Variants in XRCC2 observed in about 807,000 individuals in gnomAD.
The protein encoded by XRCC2 is DNA repair protein XRCC2.
A neutral mutation model predicts 27.3 loss-of-function variants in XRCC2; 24 were observed. The ratio of observed to expected loss-of-function variants is 0.88; its 90% confidence interval spans 0.64 to 1.24. The LOEUF (loss-of-function observed/expected upper bound fraction) is 1.24, where lower values mean the gene tolerates loss of function less well. Among genes scored for constraint, XRCC2 ranks in the 50% most tolerant of loss-of-function variants. The pLI, the probability that XRCC2 is intolerant of heterozygous loss-of-function variation, is 0.00. For missense variants in XRCC2, 321 were observed against 325.8 expected (o/e 0.99, Z 0.11); for synonymous variants, 106 against 115.4 (o/e 0.92, Z 0.52).
intron 2 of XRCC2, 41 bp downstream of exon 2, chr7:152,660,660 T>C: frequency 6.5e-7 from 1 of 1,544,950 alleles, no homozygotes; most frequent in Non-Finnish European, 8.8e-7. Context: ...AATCCTTTTA[T>C]AAAGATTTGC....
chr7:152,667,566 G>A (rs536582081), intron 1 of XRCC2, among the ~76,000 whole-genome samples: 2 of 151,866 alleles, frequency 1.3e-5, no homozygotes, highest in Non-Finnish European at 2.9e-5. Flanking sequence ...TTTCAAAGGA[G>A]AAAAACTGTC....
At chr7:152,658,541 T>C (rs1309627221) in intron 2 of XRCC2, among the ~76,000 whole-genome samples, 1 of 152,216 alleles carries the variant, frequency 6.6e-6, no homozygotes, top group Admixed American at 6.5e-5. Context: ...CCACAACTTT[T>C]CCATCTTGCA....
Position 152,648,509 on chromosome 7 carries a change from CCAGGAGTTCAAGGCTG to C in XRCC2, c.*117_*132del. ...GCACACATAGGAGGATCCCTTGAGG[CCAGGAGTTCAAGGCTG>C]CAGTGAGCCATGATTGTGCCACTGC... is the stretch of plus-strand genomic sequence containing the variant. On this transcript the variant is annotated 3_prime_UTR_variant, in exon 3 of 3. Transcript: ENST00000359321. 1.0e-6 allele frequency: 1 copy of C among 970,620 alleles called. No homozygotes were observed. Among genetic ancestry groups the C allele is most frequent in the Non-Finnish European group, 1.5e-6 (1 of 679,518 alleles). The allele number at this position is 970,620 out of a possible 1,614,324, so 60.1% of individuals were successfully genotyped here.
chr7:152,673,823 C>T (rs1563034911), intron 1 of XRCC2, among the ~76,000 whole-genome samples: 1 of 151,986 alleles, frequency 6.6e-6, no homozygotes, highest in Admixed American at 6.6e-5. Flanking sequence ...TTACAGTGAG[C>T]CAAGATCGCG....
chr7:152,664,156 CTT>C (rs1478750579), intron 1 of XRCC2, among the ~76,000 whole-genome samples: 1 of 152,204 alleles, frequency 6.6e-6, no homozygotes, highest in Non-Finnish European at 1.5e-5. Flanking sequence ...ACTTCCTGAA[CTT>C]TGTCCTATTG....
rs1270054819 is a variant in XRCC2, at chr7:152,647,391, CTTTAG to C, written c.*1246_*1250del. On this transcript the variant is annotated 3_prime_UTR_variant, in exon 3 of 3. Coordinates refer to ENST00000359321, the MANE Select transcript of XRCC2 (RefSeq NM_005431.2). The stretch of plus-strand genomic sequence containing the variant: ...TGATAGTTTCTTTTGCTGTGCAGCT[CTTTAG>C]TTTAATTAGATCCCATTTGTGAATT... The C allele has an allele frequency of 5.9e-5, 9 of 152,244 alleles. No homozygotes were observed. Among genetic ancestry groups the C allele is most frequent in the Admixed American group, 3.3e-4 (5 of 15,282 alleles). The allele number at this position is 152,244 out of a possible 1,614,324, so 9.4% of individuals were successfully genotyped here. A position where few individuals can be genotyped will look rare whatever the true frequency, so the allele number is the denominator to read the frequency against.
intron 1 of XRCC2, among the ~76,000 whole-genome samples, chr7:152,667,800 T>TG (rs1464308332): frequency 1.3e-5 from 2 of 151,990 alleles, no homozygotes; most frequent in African/African-American, 4.8e-5. Context: ...CTGAGGCAGG[T>TG]GGATCACCTG....
Position 152,647,270 on chromosome 7 carries a change from G to A in XRCC2, c.*1372C>T, listed in dbSNP as rs2098026413. ...TGGGGTGGTTTTTTCTTCTAAATTT[G>A]TTTAAATTACGTATAGATGCTGGAT... On this transcript the variant is annotated 3_prime_UTR_variant, in exon 3 of 3. Coordinates refer to ENST00000359321, the MANE Select transcript of XRCC2 (RefSeq NM_005431.2). 6.6e-6 allele frequency: 1 copy of A among 151,964 alleles called. No individual in the cohort carries two copies. The highest frequency in any genetic ancestry group is 2.4e-5 in the African/African-American group (1 of 41,344). The allele number at this position is 151,964 out of a possible 1,614,324, so 9.4% of individuals were successfully genotyped here.
chr7:152,657,444 C>A (rs1180124701), intron 2 of XRCC2, among the ~76,000 whole-genome samples: 1 of 151,766 alleles, frequency 6.6e-6, no homozygotes, highest in Non-Finnish European at 1.5e-5. Context: ...GGATTACAGG[C>A]ACCCGCCATC....
rs946075316 is a variant in XRCC2 at position 152,648,787 on chromosome 7, T to A, written c.698A>T (p.Gln233Leu). Residue 233 changes from glutamine to leucine, a missense_variant, in exon 3 of 3, where the codon CAA becomes CTA. By Grantham distance (113) the Gln-to-Leu change is moderately radical. Coordinates refer to ENST00000359321, the MANE Select transcript of XRCC2 (RefSeq NM_005431.2). Reference sequence around the variant, plus strand: ...GAAAAACATCCTGTGCTTCACCAGTTGCTGCCATGCCTTACAGAGATAAGG... The same window carrying A: ...GAAAAACATCCTGTGCTTCACCAGTAGCTGCCATGCCTTACAGAGATAAGG... ...YRPYLCKAWQ[Q>L]LVKHRMFFSK... 2 of 1,614,236 alleles carry A rather than the reference T, an allele frequency of 1.2e-6. No homozygotes were observed. The highest frequency in any genetic ancestry group is 1.7e-6 in the Non-Finnish European group (2 of 1,180,040).
intron 1 of XRCC2, among the ~76,000 whole-genome samples, chr7:152,669,053 A>G (rs2117007826): frequency 6.6e-6 from 1 of 152,296 alleles, no homozygotes; most frequent in Admixed American, 6.5e-5. Context: ...AAATATGAGT[A>G]CAAGGACTAA....
intron 1 of XRCC2, among the ~76,000 whole-genome samples, chr7:152,661,619 A>T (rs564359643): frequency 7.2e-5 from 11 of 152,192 alleles, no homozygotes; most frequent in Non-Finnish European, 1.6e-4. Context: ...CATTGTGCAT[A>T]GGGACACTGT....
Position 152,644,929 on chromosome 7 carries a change from C to T in XRCC2, c.*3713G>A, listed in dbSNP as rs763132270. On this transcript the variant is annotated 3_prime_UTR_variant, in exon 3 of 3. Coordinates refer to ENST00000359321, the MANE Select transcript of XRCC2 (RefSeq NM_005431.2). ...TAGCCGAAGATTCATTCGATGAGTC[C>T]GATTTTTCTGAAAGAGATGATTCTG... is the stretch of plus-strand genomic sequence containing the variant. 23 of 152,036 alleles carry T rather than the reference C, an allele frequency of 1.5e-4. No homozygotes were observed. Among genetic ancestry groups the T allele is most frequent in the Non-Finnish European group, 2.9e-4 (20 of 68,026 alleles). The allele number at this position is 152,036 out of a possible 1,614,324, so 9.4% of individuals were successfully genotyped here.
Position 152,673,884 on chromosome 7 carries a change from A to C in XRCC2, c.39+2157T>G, listed in dbSNP as rs573735065. Reference sequence around the variant, plus strand: ...GAGTGAGACTCTTGTCTCAAAAAAAACCAAAAATTTAAAGTAGTTTATTTC... The same window carrying C: ...GAGTGAGACTCTTGTCTCAAAAAAACCCAAAAATTTAAAGTAGTTTATTTC... On this transcript the variant is annotated intron_variant, in intron 1 of 2. Coordinates refer to ENST00000359321, the MANE Select transcript of XRCC2 (RefSeq NM_005431.2). Among the ~76,000 whole-genome samples, 128 of 152,216 alleles carry C rather than the reference A, an allele frequency of 8.4e-4. 1 individual carries two copies. Among genetic ancestry groups the C allele is most frequent in the African/African-American group, 2.6e-3 (110 of 41,538 alleles).
chr7:152,659,137 T>C (rs2116998136), intron 2 of XRCC2, among the ~76,000 whole-genome samples: 1 of 151,872 alleles, frequency 6.6e-6, no homozygotes, highest in South Asian at 2.1e-4. Flanking sequence ...ACACTTGCTA[T>C]TTCCTGTTTT....
intron 2 of XRCC2, among the ~76,000 whole-genome samples, chr7:152,651,029 T>C (rs2098028313): frequency 6.6e-6 from 1 of 152,134 alleles, no homozygotes; most frequent in Non-Finnish European, 1.5e-5. Context: ...AACTTTCGCC[T>C]CCTGGGTTCA....
intron 1 of XRCC2, among the ~76,000 whole-genome samples, chr7:152,675,681 T>C (rs1312045186): frequency 6.6e-6 from 1 of 152,196 alleles, no homozygotes; most frequent in African/African-American, 2.4e-5. Context: ...CTTGCATAGC[T>C]TGACATTTCC....
chr7:152,665,487 CTTTTTT>C (rs66692067), intron 1 of XRCC2, among the ~76,000 whole-genome samples: 20 of 84,332 alleles, frequency 2.4e-4, no homozygotes, highest in Admixed American at 1.1e-3. Context: ...TAAGACAAAC[CTTTTTT>C]TTTTTTTTTT....
rs568508806 is a variant in XRCC2, at chr7:152,657,187, G to C, written c.121+3514C>G. ...GGAGGAGGAGGTTGCAGTGAGCCGA[G>C]ATCACACCACTTCACTCCATCCTGG... On this transcript the variant is annotated intron_variant, in intron 2 of 2. Coordinates refer to ENST00000359321, the MANE Select transcript of XRCC2 (RefSeq NM_005431.2). Among the ~76,000 whole-genome samples, 7 of 138,976 alleles carry C rather than the reference G, an allele frequency of 5.0e-5. No individual in the cohort carries two copies. In the East Asian group the frequency reaches 1.6e-3, roughly 31 times the overall value. The allele number at this position is 138,976 out of a possible 152,430, so 91.2% of individuals were successfully genotyped here.
Sources: gnomAD v4.1 joint callset for allele counts (sites outside exome capture counted in the v4.1 genomes callset) on GRCh38, gnomAD v4.1.1 for gene constraint, MANE v1.5 for transcripts, NCBI Gene and HGNC (gene_info 2026-07-23, HGNC 2026-07-21) for gene names.